Variants in PTPRG observed in about 807,000 individuals in gnomAD.
PTPRG encodes receptor-type tyrosine-protein phosphatase gamma.
A neutral mutation model predicts 165.3 loss-of-function variants in PTPRG; 102 were observed. The observed-to-expected ratio is 0.62, with a 90% CI of 0.53 to 0.73. The LOEUF (loss-of-function observed/expected upper bound fraction) is 0.73. Ranked by LOEUF, PTPRG falls within the 30% of genes least tolerant of loss-of-function variation. The pLI is 0.00. For missense variants in PTPRG, 1,866 were observed against 1,861.4 expected (o/e 1.00, Z -0.05); for synonymous variants, 675 against 669.5 (o/e 1.01, Z -0.13).
intron 2 of PTPRG, among the ~76,000 whole-genome samples, chr3:61,844,575 A>G (rs538065744): frequency 1.6e-3 from 248 of 151,838 alleles, no homozygotes; most frequent in Admixed American, 4.3e-3. Flanking sequence ...TCATGTGATC[A>G]TAGCTTAGTG....
intron 1 of PTPRG, among the ~76,000 whole-genome samples, chr3:61,647,791 C>CAAAAAAAAAAAAAAAA (rs58020589): frequency 1.1e-5 from 1 of 93,156 alleles, no homozygotes; most frequent in African/African-American, 4.4e-5. Flanking sequence ...GACTCCGTCT[C>CAAAAAAAAAAAAAAAA]AAAAAAAAAA....
chr3:62,135,361 C>A (rs906335533), intron 6 of PTPRG, among the ~76,000 whole-genome samples: 1 of 151,880 alleles, frequency 6.6e-6, no homozygotes, highest in South Asian at 2.1e-4. Context: ...TTTGAATGAT[C>A]TATTAATTTG....
chr3:62,005,695 T>G, intron 4 of PTPRG, among the ~76,000 whole-genome samples: 1 of 116,468 alleles, frequency 8.6e-6, no homozygotes, highest in East Asian at 2.4e-4. Context: ...ATATCCTTTT[T>G]TTTTTTTTTT....
intron 4 of PTPRG, among the ~76,000 whole-genome samples, chr3:62,009,728 C>G (rs1026650287): frequency 6.6e-6 from 1 of 152,110 alleles, no homozygotes; most frequent in African/African-American, 2.4e-5. Context: ...CAGTGCCACC[C>G]TCTCCACACT....
intron 2 of PTPRG, among the ~76,000 whole-genome samples, chr3:61,988,664 GT>G (rs1429678683): frequency 1.3e-5 from 2 of 152,076 alleles, no homozygotes; most frequent in Non-Finnish European, 2.9e-5. Context: ...AAATTGTGAA[GT>G]TTTTTTCTTA....
chr3:61,994,545 CTA>C (rs1357199420), intron 3 of PTPRG, among the ~76,000 whole-genome samples: 1 of 152,082 alleles, frequency 6.6e-6, no homozygotes, highest in Non-Finnish European at 1.5e-5. Context: ...GGGAGGGAAA[CTA>C]TGTATAGATG....
chr3:61,612,464 C>A (rs575057911), intron 1 of PTPRG, among the ~76,000 whole-genome samples: 1 of 152,284 alleles, frequency 6.6e-6, no homozygotes, highest in African/African-American at 2.4e-5. Flanking sequence ...TAGTTCTCGG[C>A]AGTACTGCAT....
chr3:61,598,857 C>T (rs188560058), intron 1 of PTPRG, among the ~76,000 whole-genome samples: 50 of 152,118 alleles, frequency 3.3e-4, no homozygotes, highest in Middle Eastern at 3.4e-3. Flanking sequence ...AGCACCATAC[C>T]GACGTAATTC....
chr3:62,162,211 G>A (rs566062322), intron 7 of PTPRG, among the ~76,000 whole-genome samples: 8 of 152,122 alleles, frequency 5.3e-5, no homozygotes, highest in African/African-American at 9.6e-5. Context: ...ATTATTCTCC[G>A]TAATACTTTT....
At chr3:61,638,345 A>C (rs1313854965) in intron 1 of PTPRG, among the ~76,000 whole-genome samples, 3 of 151,824 alleles carry the variant, frequency 2.0e-5, no homozygotes, top group Non-Finnish European at 4.4e-5. Context: ...CCATTTAAGT[A>C]ATGTGTAGAC....
chr3:61,637,963 A>G (rs908862729), intron 1 of PTPRG, among the ~76,000 whole-genome samples: 1 of 152,218 alleles, frequency 6.6e-6, no homozygotes, highest in Non-Finnish European at 1.5e-5. Flanking sequence ...TAATCTTAGC[A>G]TGATAATCGG....
In PTPRG at chr3:61,734,488, A is replaced by G. The variant is rs74791308; in HGVS notation, c.86-14390A>G. On this transcript the variant is annotated intron_variant, in intron 1 of 29. Coordinates refer to ENST00000474889, the MANE Select transcript of PTPRG (RefSeq NM_002841.4). ...ATAAACCTTTGTAAGTAATATTTAA[A>G]GGAGTGTTTATTTTTCAGAATTCAC... 3.2e-3 allele frequency among the ~76,000 whole-genome samples: 488 copies of G among 152,318 alleles called. 2 individuals are homozygous for G. The highest frequency in any genetic ancestry group is 0.011 in the African/African-American group (475 of 41,572).
rs768629163 is a variant in PTPRG at position 62,191,450 on chromosome 3, G to A, written c.1034-19G>A. The A allele has an allele frequency of 1.2e-6, 2 of 1,610,926 alleles. No homozygotes were observed. Among genetic ancestry groups the A allele is most frequent in the Non-Finnish European group, 1.7e-6 (2 of 1,178,904 alleles). On this transcript the variant is annotated intron_variant, in intron 8 of 29. Transcript: ENST00000474889. ...CATTGTTCTGAAAGCTCCCTGAGCT[G>A]AGCCCTGTGTATCTTCAGTTTGCAG...
chr3:62,221,471 C>T (rs1284586232), intron 13 of PTPRG, among the ~76,000 whole-genome samples: 1 of 152,150 alleles, frequency 6.6e-6, no homozygotes, highest in Non-Finnish European at 1.5e-5. Context: ...TTCTGTCCAA[C>T]TTTTAAAAAA....
rs1279755419 is a variant in PTPRG, at chr3:62,111,551, A to G, written c.616-21051A>G. Among the ~76,000 whole-genome samples, 3 of 152,272 alleles carry G rather than the reference A, an allele frequency of 2.0e-5. No individual in the cohort carries two copies. The East Asian group carries it at 5.8e-4, about 29-fold the overall frequency. On this transcript the variant is annotated intron_variant, in intron 5 of 29. Coordinates refer to ENST00000474889, the MANE Select transcript of PTPRG (RefSeq NM_002841.4). ...TGCAGCCTGGAGCCTCCTAGGCTCA[A>G]GGAATTCTCTCATCTTAGCCTCCAA...
intron 28 of PTPRG, among the ~76,000 whole-genome samples, chr3:62,291,592 T>C (rs1399164582): frequency 6.6e-6 from 1 of 152,170 alleles, no homozygotes; most frequent in East Asian, 1.9e-4. Flanking sequence ...TGTAATATTT[T>C]AATTTTATGT....
At chr3:61,756,781 A>G (rs556551811) in intron 2 of PTPRG, among the ~76,000 whole-genome samples, 7 of 152,332 alleles carry the variant, frequency 4.6e-5, no homozygotes, top group Non-Finnish European at 8.8e-5. Context: ...ATCAAGTGGT[A>G]CATATCAGTG....
intron 2 of PTPRG, among the ~76,000 whole-genome samples, chr3:61,905,304 A>G (rs1360780870): frequency 6.6e-6 from 1 of 152,136 alleles, no homozygotes; most frequent in Non-Finnish European, 1.5e-5. Flanking sequence ...CACAACCCCC[A>G]AGATTATCTT....
intron 3 of PTPRG, among the ~76,000 whole-genome samples, chr3:61,992,402 G>T (rs1229052442): frequency 6.6e-6 from 1 of 152,030 alleles, no homozygotes; most frequent in African/African-American, 2.4e-5. Context: ...TCTGTTGCCC[G>T]GGCTGGAGTT....
Sources: gnomAD v4.1 joint callset for allele counts (sites outside exome capture counted in the v4.1 genomes callset) on GRCh38, gnomAD v4.1.1 for gene constraint, MANE v1.5 for transcripts, NCBI Gene and HGNC (gene_info 2026-07-23, HGNC 2026-07-21) for gene names.